PUM1: variants seen among roughly 807,000 people sequenced by gnomAD.
PUM1 encodes the protein pumilio RNA binding family member 1, also known as pumilio homolog 1.
PUM1 carries 13 observed loss-of-function variants against 131.8 expected under a neutral mutation model. That is an observed-to-expected ratio of 0.10 (90% CI 0.06 to 0.16). The LOEUF is 0.16. Among genes scored for constraint, PUM1 ranks in the 10% least tolerant of loss-of-function variants. The pLI, the probability that PUM1 is intolerant of heterozygous loss-of-function variation, is 1.00. For missense variants in PUM1, 961 were observed against 1,512.4 expected (o/e 0.64, Z 6.05); for synonymous variants, 509 against 556.5 (o/e 0.91, Z 1.20).
rs551576757 is a variant in PUM1, at chr1:30,986,908, C to T, written c.1158+5482G>A. On this transcript the variant is annotated intron_variant, in intron 7 of 21. Transcript: ENST00000426105. Reference sequence around the variant, plus strand: ...ACGAGAATGACATTTAATCACACTGCCACACTTTTAACACATGCCGATTTC... The same window carrying T: ...ACGAGAATGACATTTAATCACACTGTCACACTTTTAACACATGCCGATTTC... Among the ~76,000 whole-genome samples the T allele has an allele frequency of 1.4e-4, 22 of 152,138 alleles. 1 individual carries two copies. Among genetic ancestry groups the T allele is most frequent in the Non-Finnish European group, 3.2e-4 (22 of 68,034 alleles).
At chr1:30,940,395 G>A (rs1013779476) in intron 20 of PUM1, among the ~76,000 whole-genome samples, 1 of 152,226 alleles carries the variant, frequency 6.6e-6, no homozygotes, top group African/African-American at 2.4e-5. Flanking sequence ...AGGATCGCTT[G>A]AGCCTGAGAG....
intron 5 of PUM1, among the ~76,000 whole-genome samples, chr1:31,002,809 T>G (rs1282140208): frequency 6.6e-6 from 1 of 152,226 alleles, no homozygotes. Context: ...GGTTGCCAGA[T>G]TCTTCTTGTT....
intron 15 of PUM1, 33 bp downstream of exon 15, chr1:30,953,681 G>A (rs780934481): frequency 1.6e-5 from 26 of 1,608,874 alleles, no homozygotes; most frequent in Non-Finnish European, 2.0e-5. Flanking sequence ...TTACAATTTC[G>A]GGTACCTTAA....
intron 5 of PUM1, 86 bp from the exon 6 acceptor site, chr1:30,995,306 G>T: frequency 7.2e-7 from 1 of 1,397,680 alleles, no homozygotes; most frequent in Non-Finnish European, 1.0e-6. Context: ...TACACTAGAT[G>T]CTACTCAGAA....
chr1:31,014,804 A>G (rs528470508), intron 3 of PUM1, among the ~76,000 whole-genome samples: 32 of 151,844 alleles, frequency 2.1e-4, no homozygotes, highest in African/African-American at 7.5e-4. Context: ...AAAAAAAAAA[A>G]GTTGAAAGCA....
rs201135868 is a variant in PUM1 at position 30,933,181 on chromosome 1, G to A, written c.*30C>T. 3.8e-5 allele frequency: 60 copies of A among 1,594,792 alleles called. 2 individuals carry two copies. In the Middle Eastern group the frequency reaches 5.0e-4, roughly 13 times the overall value. On this transcript the variant is annotated 3_prime_UTR_variant, in exon 22 of 22. Coordinates refer to ENST00000426105, the MANE Select transcript of PUM1 (RefSeq NM_001020658.2). ...TTGCCAGTGGGCCAGTGAGGTCAGCGGGAATGAGGGAACAGCGGGTGACAC... is the reference window on the plus strand; with the variant it reads ...TTGCCAGTGGGCCAGTGAGGTCAGCAGGAATGAGGGAACAGCGGGTGACAC...
intron 3 of PUM1, among the ~76,000 whole-genome samples, chr1:31,012,454 T>C (rs965405104): frequency 6.0e-5 from 9 of 150,478 alleles, no homozygotes; most frequent in South Asian, 2.1e-4. Flanking sequence ...GCCCCACCAA[T>C]AGTGTGTGCT....
chr1:31,036,672 G>A (rs1031773992), intron 2 of PUM1: 2 of 152,348 alleles, frequency 1.3e-5, no homozygotes, highest in Admixed American at 1.3e-4. Flanking sequence ...CTCCACTGGG[G>A]AGCAGCTTAG....
chr1:31,035,726 G>A (rs1186467512), intron 2 of PUM1, among the ~76,000 whole-genome samples: 1 of 151,904 alleles, frequency 6.6e-6, no homozygotes, highest in African/African-American at 2.4e-5. Flanking sequence ...ACTCCTGCCT[G>A]GGCAACGAGA....
Position 30,946,658 on chromosome 1 carries a change from T to A in PUM1, c.2857-1175A>T, listed in dbSNP as rs1254888620. On this transcript the variant is annotated intron_variant, in intron 17 of 21. Transcript: ENST00000426105. ...TCTCAAAAAAAAAAAAAAAATTATT[T>A]TATATATATACTTATATACATATAT... Among the ~76,000 whole-genome samples the A allele has an allele frequency of 4.0e-5, 6 of 148,588 alleles. No homozygotes were observed. The East Asian group carries it at 1.2e-3, about 29-fold the overall frequency.
At chr1:30,983,809 C>T (rs1312439187) in intron 7 of PUM1, among the ~76,000 whole-genome samples, 10 of 146,200 alleles carry the variant, frequency 6.8e-5, no homozygotes, top group Non-Finnish European at 1.3e-4. Flanking sequence ...GTCTACGTTG[C>T]TCAGGCTGGT....
At chr1:30,972,262 AGAAAAGAAGGGAAGGGAAGG>A (rs1400578189) in intron 10 of PUM1, among the ~76,000 whole-genome samples, 25 of 26,172 alleles carry the variant, frequency 9.6e-4, no homozygotes, top group African/African-American at 3.2e-3. Context: ...CAGAAAGAAA[AGAAAAGAAGGGAAGGGAAGG>A]GAAGGGGAGG....
At chr1:31,048,111 C>T (rs996486647) in intron 2 of PUM1, among the ~76,000 whole-genome samples, 8 of 148,766 alleles carry the variant, frequency 5.4e-5, no homozygotes, top group Admixed American at 1.3e-4. Flanking sequence ...TGGTGGCGGG[C>T]GCCTATAGTC....
chr1:31,044,234 A>C (rs1643901592), intron 2 of PUM1, among the ~76,000 whole-genome samples: 1 of 151,918 alleles, frequency 6.6e-6, no homozygotes, highest in Admixed American at 6.6e-5. Flanking sequence ...ACCCCGTCTC[A>C]ACTAAAAATA....
intron 1 of PUM1, among the ~76,000 whole-genome samples, chr1:31,060,907 A>T (rs1644353510): frequency 6.6e-6 from 1 of 151,404 alleles, no homozygotes; most frequent in Non-Finnish European, 1.5e-5. Context: ...AAAAAATAAT[A>T]AATAAATAAA....
chr1:31,056,199 C>A (rs1644232364), intron 2 of PUM1, among the ~76,000 whole-genome samples: 1 of 152,182 alleles, frequency 6.6e-6, no homozygotes, highest in Admixed American at 6.6e-5. Flanking sequence ...TCCTCCATTA[C>A]TTCATCTTTC....
chr1:30,985,540 T>C (rs1641519369), intron 7 of PUM1, among the ~76,000 whole-genome samples: 1 of 151,134 alleles, frequency 6.6e-6, no homozygotes, highest in African/African-American at 2.4e-5. Flanking sequence ...TAATCCCAGT[T>C]ACTCGGGAGG....
intron 1 of PUM1, among the ~76,000 whole-genome samples, chr1:31,060,743 G>A (rs976387223): frequency 6.6e-6 from 1 of 151,750 alleles, no homozygotes; most frequent in Non-Finnish European, 1.5e-5. Context: ...AAAATTAACT[G>A]GGTGTGGTGG....
chr1:30,983,926 G>C (rs1641451070), intron 7 of PUM1, among the ~76,000 whole-genome samples: 1 of 152,014 alleles, frequency 6.6e-6, no homozygotes, highest in Admixed American at 6.6e-5. Context: ...AATATTACAT[G>C]TAAGTCATTT....
Sources: gnomAD v4.1 joint callset for allele counts (sites outside exome capture counted in the v4.1 genomes callset) on GRCh38, gnomAD v4.1.1 for gene constraint, MANE v1.5 for transcripts, NCBI Gene and HGNC (gene_info 2026-07-23, HGNC 2026-07-21) for gene names.